The following PKP4 variants were observed in gnomAD, a reference collection of about 807,000 sequenced individuals.
PKP4 encodes plakophilin 4.
Under a neutral mutation model 145.1 loss-of-function variants are expected in PKP4, and 90 were observed. The ratio of observed to expected loss-of-function variants is 0.62; its 90% CI spans 0.52 to 0.74. The LOEUF (loss-of-function observed/expected upper bound fraction) is 0.74. PKP4 is among the 30% of genes least tolerant of loss of function. The probability of loss-of-function intolerance (pLI) is 0.00; values close to 1 mark genes in which losing one functional copy is unlikely to be tolerated. For synonymous variants in PKP4, 563 were observed against 577.2 expected (o/e 0.98, Z 0.35); for missense variants, 1,340 against 1,482.7 (o/e 0.90, Z 1.58).
chr2:158,631,487 A>G (rs1167553647), intron 7 of PKP4, among the ~76,000 whole-genome samples: 2 of 151,854 alleles, frequency 1.3e-5, no homozygotes, highest in Non-Finnish European at 2.9e-5. Context: ...GGGTTCAAGC[A>G]ATCTTCCAGT....
intron 4 of PKP4, among the ~76,000 whole-genome samples, chr2:158,619,611 A>G (rs893172293): frequency 6.6e-6 from 1 of 152,228 alleles, no homozygotes; most frequent in Non-Finnish European, 1.5e-5. Flanking sequence ...GCCAAACTTC[A>G]TTGAACACAG....
intron 2 of PKP4, 104 bp downstream of exon 2, chr2:158,533,420 A>G: frequency 7.5e-7 from 1 of 1,333,402 alleles, no homozygotes; most frequent in Non-Finnish European, 1.1e-6. Flanking sequence ...TGACGCCTTC[A>G]CGTTTTCTAA....
At chr2:158,545,321 G>C (rs1193075912) in intron 2 of PKP4, among the ~76,000 whole-genome samples, 1 of 151,950 alleles carries the variant, frequency 6.6e-6, no homozygotes, top group Non-Finnish European at 1.5e-5. Flanking sequence ...CAGCAGCAGT[G>C]TTCCCTTTTG....
chr2:158,618,895 ATT>A (rs1215772585), intron 4 of PKP4, among the ~76,000 whole-genome samples: 1 of 152,146 alleles, frequency 6.6e-6, no homozygotes, highest in African/African-American at 2.4e-5. Context: ...GGTGTCCTAG[ATT>A]TTACCTTATA....
At chr2:158,486,013 T>C (rs936112213) in intron 1 of PKP4, among the ~76,000 whole-genome samples, 3 of 152,160 alleles carry the variant, frequency 2.0e-5, no homozygotes, top group African/African-American at 7.2e-5. Context: ...TTATTTCTAA[T>C]TAAATCTATG....
At chr2:158,666,764 T>G in intron 16 of PKP4, 1 of 429,912 alleles carries the variant, frequency 2.3e-6, no homozygotes, top group Non-Finnish European at 4.0e-6. Flanking sequence ...TAGTCATTGA[T>G]TAGGGAAGGT....
intron 17 of PKP4, 74 bp downstream of exon 17, chr2:158,669,989 G>A (rs2057422956): frequency 8.6e-7 from 1 of 1,164,032 alleles, no homozygotes; most frequent in Non-Finnish European, 1.2e-6. Flanking sequence ...CTTTGTTGAG[G>A]ATACCTTTCC....
At chr2:158,552,951 C>G (rs952512608) in intron 2 of PKP4, among the ~76,000 whole-genome samples, 1 of 152,054 alleles carries the variant, frequency 6.6e-6, no homozygotes, top group Non-Finnish European at 1.5e-5. Flanking sequence ...GTAAAAGATG[C>G]GATAGCCACA....
intron 9 of PKP4, among the ~76,000 whole-genome samples, chr2:158,639,984 A>G (rs951659498): frequency 2.6e-5 from 4 of 152,238 alleles, no homozygotes; most frequent in Non-Finnish European, 5.9e-5. Flanking sequence ...ACTATTTAAT[A>G]ATAACCCAGT....
At chr2:158,473,341 A>G (rs749548146) in intron 1 of PKP4, among the ~76,000 whole-genome samples, 1 of 152,224 alleles carries the variant, frequency 6.6e-6, no homozygotes, top group Non-Finnish European at 1.5e-5. Flanking sequence ...TCATTCTGCT[A>G]TAAAGACACA....
chr2:158,631,943 T>C lies in PKP4; in HGVS notation c.1342+2T>C. ...CGGCGTTGTATCGCACAGGTTCAGG[T>C]GGGCATCAACTCTGTTTACTGGTTT... On this transcript the variant is annotated splice_donor_variant, in intron 8 of 21. Transcript: ENST00000389759. LOFTEE classifies it high-confidence loss of function. The C allele has an allele frequency of 6.2e-7, 1 of 1,613,124 alleles. No homozygotes were observed.
intron 1 of PKP4, among the ~76,000 whole-genome samples, chr2:158,514,671 T>C (rs564031351): frequency 1.4e-3 from 207 of 152,352 alleles, no homozygotes; most frequent in African/African-American, 4.7e-3. Flanking sequence ...CCGGGTGTGG[T>C]GGCTCACGCC....
intron 4 of PKP4, 88 bp downstream of exon 4, chr2:158,603,192 G>C (rs1236045646): frequency 1.3e-5 from 9 of 687,878 alleles, no homozygotes; most frequent in Non-Finnish European, 2.2e-5. Context: ...GGTGAAATAA[G>C]CCAAGCAAAG....
chr2:158,525,768 T>G (rs975258205), intron 1 of PKP4, among the ~76,000 whole-genome samples: 1 of 144,038 alleles, frequency 6.9e-6, no homozygotes, highest in African/African-American at 2.6e-5. Context: ...GAGAGGAGAA[T>G]CAAATAGACA....
chr2:158,677,321 G>A, intron 20 of PKP4: 1 of 231,646 alleles, frequency 4.3e-6, no homozygotes, highest in Non-Finnish European at 8.7e-6. Context: ...TTTTCATGGA[G>A]AAGAGTTTGA....
At chr2:158,629,299 G>A (rs761684932) in intron 7 of PKP4, among the ~76,000 whole-genome samples, 15 of 152,084 alleles carry the variant, frequency 9.9e-5, no homozygotes, top group Non-Finnish European at 1.8e-4. Context: ...GCTCCATGAG[G>A]GATAGCTGTG....
At chr2:158,501,752 C>T (rs970237001) in intron 1 of PKP4, among the ~76,000 whole-genome samples, 1 of 152,246 alleles carries the variant, frequency 6.6e-6, no homozygotes, top group Admixed American at 6.5e-5. Context: ...ATTTCAGTCT[C>T]TATTGTGTGC....
intron 3 of PKP4, 46 bp from the exon 4 acceptor site, chr2:158,603,024 T>C: frequency 8.1e-7 from 1 of 1,237,430 alleles, no homozygotes; most frequent in Non-Finnish European, 1.1e-6. Flanking sequence ...CTAAATTTTA[T>C]GACAAAATAA....
At chr2:158,478,418 T>A (rs953379819) in intron 1 of PKP4, among the ~76,000 whole-genome samples, 3 of 152,146 alleles carry the variant, frequency 2.0e-5, no homozygotes, top group Non-Finnish European at 4.4e-5. Flanking sequence ...TACATTCTTG[T>A]GTTTAAAGAC....
Sources: gnomAD v4.1 joint callset for allele counts (sites outside exome capture counted in the v4.1 genomes callset) on GRCh38, gnomAD v4.1.1 for gene constraint, MANE v1.5 for transcripts, NCBI Gene and HGNC (gene_info 2026-07-23, HGNC 2026-07-21) for gene names.